Variants in CADM2 observed in about 807,000 individuals in gnomAD.
CADM2 encodes the protein cell adhesion molecule 2.
Under a neutral mutation model 49.8 loss-of-function variants are expected in CADM2, and 12 were observed. The observed-to-expected ratio is 0.24, with a 90% CI of 0.15 to 0.39. The LOEUF (loss-of-function observed/expected upper bound fraction) is 0.39, where lower values mean the gene tolerates loss of function less well. CADM2 is among the 10% of genes least tolerant of loss of function. CADM2 has a pLI of 1.00. For missense variants in CADM2, 378 were observed against 492.3 expected (o/e 0.77, Z 2.20); for synonymous variants, 214 against 175.4 (o/e 1.22, Z -1.74).
At chr3:86,006,989 G>A (rs565830324) in intron 8 of CADM2, among the ~76,000 whole-genome samples, 16 of 152,150 alleles carry the variant, frequency 1.1e-4, no homozygotes, top group Non-Finnish European at 2.1e-4. Flanking sequence ...GCAGTGGGCC[G>A]AGATCACGCC....
intron 1 of CADM2, among the ~76,000 whole-genome samples, chr3:85,665,381 A>G (rs1402467060): frequency 6.6e-6 from 1 of 152,004 alleles, no homozygotes; most frequent in Non-Finnish European, 1.5e-5. Context: ...ACTTAGAATC[A>G]TAATTGGCCT....
chr3:85,374,537 G>T (rs1287777438), intron 1 of CADM2, among the ~76,000 whole-genome samples: 1 of 152,080 alleles, frequency 6.6e-6, no homozygotes, highest in Non-Finnish European at 1.5e-5. Context: ...CATAATGGCA[G>T]TACCCCATCT....
At chr3:85,182,544 G>A (rs1432496691) in intron 1 of CADM2, among the ~76,000 whole-genome samples, 1 of 152,068 alleles carries the variant, frequency 6.6e-6, no homozygotes, top group Non-Finnish European at 1.5e-5. Context: ...AGGAATCACA[G>A]ATTAGAAGAG....
intron 1 of CADM2, among the ~76,000 whole-genome samples, chr3:85,208,695 A>T (rs2041708854): frequency 6.6e-6 from 1 of 152,166 alleles, no homozygotes; most frequent in Admixed American, 6.5e-5. Context: ...AAATATGGCT[A>T]ATATTAAATA....
At chr3:85,614,699 G>A (rs6779752) in intron 1 of CADM2, among the ~76,000 whole-genome samples, 80,317 of 151,522 alleles carry the variant, frequency 0.53, 23,874 homozygotes, top group East Asian at 0.82. Context: ...TGGCCCCTAT[G>A]TCTATATAAT....
At chr3:85,490,984 T>G (rs536735800) in intron 1 of CADM2, among the ~76,000 whole-genome samples, 8 of 152,334 alleles carry the variant, frequency 5.3e-5, no homozygotes, top group African/African-American at 1.9e-4. Flanking sequence ...TTTAGATATT[T>G]AAAAGAAATA....
chr3:85,672,678 G>A (rs538548257), intron 1 of CADM2, among the ~76,000 whole-genome samples: 1 of 152,158 alleles, frequency 6.6e-6, no homozygotes, highest in East Asian at 1.9e-4. Context: ...CATTCAGTTT[G>A]CCACCATTCA....
chr3:85,596,843 A>C (rs531390700), intron 1 of CADM2, among the ~76,000 whole-genome samples: 38 of 152,122 alleles, frequency 2.5e-4, no homozygotes, highest in Admixed American at 7.2e-4. Flanking sequence ...TAGCCTCCCT[A>C]CTAGCCGGAA....
At chr3:85,635,925 A>T (rs990729230) in intron 1 of CADM2, among the ~76,000 whole-genome samples, 3 of 152,190 alleles carry the variant, frequency 2.0e-5, no homozygotes, top group Non-Finnish European at 4.4e-5. Flanking sequence ...TAACATTGTC[A>T]TATAGAACAA....
At chr3:85,313,229 G>A (rs952009773) in intron 1 of CADM2, among the ~76,000 whole-genome samples, 2 of 152,154 alleles carry the variant, frequency 1.3e-5, no homozygotes, top group African/African-American at 4.8e-5. Flanking sequence ...GAGAGTGAAC[G>A]CAATGGTTAC....
chr3:86,065,446 G>A (rs1270666015), intron 8 of CADM2, among the ~76,000 whole-genome samples, 159 bp from the exon 9 acceptor site: 1 of 152,132 alleles, frequency 6.6e-6, no homozygotes, highest in Non-Finnish European at 1.5e-5. Context: ...CAGATACCTT[G>A]TATATTATAT....
At chr3:85,716,646 C>T (rs750912230) in intron 1 of CADM2, among the ~76,000 whole-genome samples, 2 of 152,160 alleles carry the variant, frequency 1.3e-5, no homozygotes, top group Non-Finnish European at 2.9e-5. Context: ...ACATTTAAAT[C>T]TTTAATCCAT....
chr3:85,223,636 G>T (rs539638535), intron 1 of CADM2, among the ~76,000 whole-genome samples: 2 of 151,814 alleles, frequency 1.3e-5, no homozygotes, highest in Non-Finnish European at 2.9e-5. Context: ...TAAGTTCTGG[G>T]GTACATGTGC....
intron 1 of CADM2, among the ~76,000 whole-genome samples, chr3:85,028,387 T>C (rs2034827152): frequency 6.6e-6 from 1 of 152,188 alleles, no homozygotes. Flanking sequence ...AGGCTTGAGG[T>C]AGATACTTTT....
At chr3:85,019,253 GA>G (rs1481999393) in intron 1 of CADM2, among the ~76,000 whole-genome samples, 1 of 152,084 alleles carries the variant, frequency 6.6e-6, no homozygotes, top group Non-Finnish European at 1.5e-5. Context: ...GAGCCTGAAG[GA>G]AGAGGATTGC....
chr3:85,231,516 T>C lies in CADM2; in HGVS notation c.61+271848T>C, dbSNP rs192099662. On this transcript the variant is annotated intron_variant, in intron 1 of 9. Coordinates refer to ENST00000383699, the MANE Select transcript of CADM2 (RefSeq NM_001167675.2). ...GTGGGCAAACACATGCCAGGATATC[T>C]AAGATATTATAGTCAATATTTCTCC... 7.9e-5 allele frequency among the ~76,000 whole-genome samples: 12 copies of C among 152,008 alleles called. No individual in the cohort carries two copies. In the East Asian group the frequency reaches 2.3e-3, roughly 29 times the overall value.
chr3:85,466,170 C>G (rs925353791), intron 1 of CADM2, among the ~76,000 whole-genome samples: 1 of 152,068 alleles, frequency 6.6e-6, no homozygotes, highest in South Asian at 2.1e-4. Context: ...AAGCAGGTAG[C>G]AGTAGTTTTC....
rs146267700 is a variant in CADM2 at position 85,983,837 on chromosome 3, C to G, written c.970+22190C>G. Reference sequence around the variant, plus strand: ...TATCTATCTTTCATCTATCATTCATCTACCATCTGTCTGTCCTTTGAAGTA... The same window carrying G: ...TATCTATCTTTCATCTATCATTCATGTACCATCTGTCTGTCCTTTGAAGTA... On this transcript the variant is annotated intron_variant, in intron 8 of 9. Transcript: ENST00000383699. Among the ~76,000 whole-genome samples, 501 of 151,544 alleles carry G rather than the reference C, an allele frequency of 3.3e-3. 4 individuals carry two copies. The highest frequency in any genetic ancestry group is 0.011 in the African/African-American group (466 of 41,436).
At chr3:85,371,733 T>C (rs1451316595) in intron 1 of CADM2, among the ~76,000 whole-genome samples, 1 of 142,450 alleles carries the variant, frequency 7.0e-6, no homozygotes, top group African/African-American at 2.6e-5. Flanking sequence ...AAGTGGATTT[T>C]TTTAACCAAA....
Sources: gnomAD v4.1 joint callset for allele counts (sites outside exome capture counted in the v4.1 genomes callset) on GRCh38, gnomAD v4.1.1 for gene constraint, MANE v1.5 for transcripts, NCBI Gene and HGNC (gene_info 2026-07-23, HGNC 2026-07-21) for gene names.